Variants in MCU observed in about 807,000 individuals in gnomAD.
The protein encoded by MCU is mitochondrial calcium uniporter.
MCU carries 12 observed loss-of-function variants against 45.2 expected under a neutral mutation model. The observed-to-expected ratio is 0.27, with a 90% CI of 0.17 to 0.43. The LOEUF is 0.43. Among genes scored for constraint, MCU ranks in the 20% least tolerant of loss-of-function variants. MCU has a pLI of 1.00. For synonymous variants in MCU, 160 were observed against 165.1 expected, an observed-to-expected ratio of 0.97 and a Z score of 0.24; for missense variants, 324 against 436.7, an observed-to-expected ratio of 0.74 and a Z score of 2.30.
chr10:72,696,496 A>G (rs1218248692), intron 1 of MCU, among the ~76,000 whole-genome samples: 2 of 152,070 alleles, frequency 1.3e-5, no homozygotes, highest in Non-Finnish European at 2.9e-5. Context: ...TTGAATCTTG[A>G]TTTGTGTAAT....
At position 72,804,907 on chromosome 10, in the gene MCU, G is replaced by A. The variant is rs181953440; in HGVS notation, c.151-29452G>A. ...CCACCTCAGCCTTCCAAGTAGCTGG[G>A]ACTACAGGTGTGTGCCACCAGGCCT... On this transcript the variant is annotated intron_variant, in intron 1 of 7. Transcript: ENST00000373053. Among the ~76,000 whole-genome samples the A allele has an allele frequency of 1.0e-3, 156 of 152,276 alleles. 1 individual carries two copies. The highest frequency in any genetic ancestry group is 0.01 in the Middle Eastern group (3 of 294).
At chr10:72,883,887 C>T (rs1044019683) in intron 6 of MCU, among the ~76,000 whole-genome samples, 3 of 152,034 alleles carry the variant, frequency 2.0e-5, no homozygotes, top group Non-Finnish European at 4.4e-5. Context: ...CTTAGGAATA[C>T]ATGCTTAAGG....
intron 1 of MCU, among the ~76,000 whole-genome samples, chr10:72,695,387 A>G (rs957151417): frequency 1.3e-5 from 2 of 152,214 alleles, no homozygotes; most frequent in Non-Finnish European, 2.9e-5. Context: ...TAACTCTTTA[A>G]TTGAGTTCCT....
chr10:72,873,576 C>A (rs1013641918), intron 6 of MCU, among the ~76,000 whole-genome samples: 1 of 152,046 alleles, frequency 6.6e-6, no homozygotes, highest in Non-Finnish European at 1.5e-5. Flanking sequence ...CTCTGCTGAC[C>A]GTTTCCTTTG....
chr10:72,729,584 A>G (rs1843144136), intron 1 of MCU, among the ~76,000 whole-genome samples: 1 of 152,236 alleles, frequency 6.6e-6, no homozygotes, highest in Non-Finnish European at 1.5e-5. Context: ...ACTCTGATTA[A>G]AGTGGTTTCT....
chr10:72,771,778 C>A (rs899636935), intron 1 of MCU, among the ~76,000 whole-genome samples: 2 of 152,070 alleles, frequency 1.3e-5, no homozygotes, highest in Non-Finnish European at 2.9e-5. Flanking sequence ...AGGTTTTAAG[C>A]CTTGCATTCA....
At chr10:72,696,382 A>G (rs528302719) in intron 1 of MCU, among the ~76,000 whole-genome samples, 2 of 152,002 alleles carry the variant, frequency 1.3e-5, no homozygotes, top group East Asian at 3.9e-4. Context: ...ATGGAGACAG[A>G]TTCAATAATT....
intron 6 of MCU, among the ~76,000 whole-genome samples, chr10:72,873,186 T>C (rs1845572471): frequency 6.6e-6 from 1 of 151,716 alleles, no homozygotes; most frequent in Admixed American, 6.6e-5. Flanking sequence ...GCCCGGCTAA[T>C]TTTTTGTATT....
intron 1 of MCU, among the ~76,000 whole-genome samples, chr10:72,729,942 C>T: frequency 7.0e-6 from 1 of 143,874 alleles, no homozygotes; most frequent in East Asian, 2.0e-4. Flanking sequence ...TCTTCACTCT[C>T]TTCAGCATTC....
At chr10:72,726,569 A>G (rs1431790269) in intron 1 of MCU, among the ~76,000 whole-genome samples, 1 of 152,022 alleles carries the variant, frequency 6.6e-6, no homozygotes, top group Non-Finnish European at 1.5e-5. Context: ...ATATACAGGT[A>G]CGTTTATGAG....
chr10:72,738,210 G>A (rs1564542917), intron 1 of MCU, among the ~76,000 whole-genome samples: 4 of 152,176 alleles, frequency 2.6e-5, no homozygotes, highest in Admixed American at 6.5e-5. Context: ...TGAAGGGGAA[G>A]TTGGAGTAAA....
chr10:72,711,221 CTT>C (rs78511090), intron 1 of MCU, among the ~76,000 whole-genome samples: 15 of 130,030 alleles, frequency 1.2e-4, no homozygotes, highest in Admixed American at 2.3e-4. Context: ...TTCTGCAAAT[CTT>C]TTTTTTTTTT....
At chr10:72,817,918 G>C (rs1351689025) in intron 1 of MCU, among the ~76,000 whole-genome samples, 1 of 152,166 alleles carries the variant, frequency 6.6e-6, no homozygotes, top group African/African-American at 2.4e-5. Context: ...CATGTACTAA[G>C]TACTTTAACA....
intron 1 of MCU, among the ~76,000 whole-genome samples, chr10:72,755,757 G>A (rs1843566954): frequency 6.6e-6 from 1 of 151,990 alleles, no homozygotes; most frequent in African/African-American, 2.4e-5. Flanking sequence ...AACCCTTGTT[G>A]TTGTTGTTGT....
chr10:72,867,281 A>C (rs906210259), intron 4 of MCU, among the ~76,000 whole-genome samples: 9 of 152,100 alleles, frequency 5.9e-5, no homozygotes, highest in African/African-American at 2.2e-4. Context: ...AAAGTTAATA[A>C]GAATCTAAAA....
chr10:72,712,551 AC>A (rs1262250975), intron 1 of MCU, among the ~76,000 whole-genome samples: 8 of 152,312 alleles, frequency 5.3e-5, no homozygotes, highest in African/African-American at 1.4e-4. Flanking sequence ...CAATTTGGGT[AC>A]TATCTGCTTT....
At chr10:72,836,451 T>A (rs903545697) in intron 2 of MCU, among the ~76,000 whole-genome samples, 1 of 152,186 alleles carries the variant, frequency 6.6e-6, no homozygotes, top group Non-Finnish European at 1.5e-5. Flanking sequence ...GGCTGTGTTA[T>A]GTATACCTAT....
chr10:72,857,117 T>G (rs1373755535), intron 2 of MCU, among the ~76,000 whole-genome samples: 2 of 152,064 alleles, frequency 1.3e-5, no homozygotes, highest in African/African-American at 4.8e-5. Flanking sequence ...TGGTCAACTT[T>G]TGATTCTTCA....
At chr10:72,783,186 CTT>C (rs1168402894) in intron 1 of MCU, among the ~76,000 whole-genome samples, 1 of 152,178 alleles carries the variant, frequency 6.6e-6, no homozygotes, top group Non-Finnish European at 1.5e-5. Context: ...AATGTGTAGA[CTT>C]TTCAAATTAG....
Sources: allele counts gnomAD v4.1 joint callset (sites outside exome capture counted in the v4.1 genomes callset), GRCh38; gene constraint gnomAD v4.1.1; transcripts MANE v1.5; gene names NCBI Gene and HGNC (gene_info 2026-07-23, HGNC 2026-07-21).